Variants in FER1L5 observed in about 807,000 individuals in gnomAD.
The protein encoded by FER1L5 is fer-1 like family member 5.
Under a neutral mutation model 279.9 loss-of-function variants are expected in FER1L5, and 187 were observed. That is an observed-to-expected ratio of 0.67 (90% CI 0.59 to 0.75). The LOEUF is 0.75. Ranked by LOEUF, FER1L5 falls within the 30% of genes least tolerant of loss-of-function variation. The probability of loss-of-function intolerance (pLI) is 0.00; values close to 1 mark genes in which losing one functional copy is unlikely to be tolerated. For missense variants in FER1L5, 2,091 were observed against 2,594.4 expected, an observed-to-expected ratio of 0.81 and a Z score of 4.21; for synonymous variants, 921 against 989.7, an observed-to-expected ratio of 0.93 and a Z score of 1.30.
chr2:96,679,192 T>TA (rs1199974276), intron 19 of FER1L5, among the ~76,000 whole-genome samples: 3 of 151,584 alleles, frequency 2.0e-5, no homozygotes, highest in African/African-American at 7.3e-5. Context: ...AGAAATTTTT[T>TA]AAAAAATTAG....
rs777643267 is a variant in FER1L5 at position 96,670,255 on chromosome 2, C to G, written c.1491+8C>G. ...GAAGTGACCAGGATAGAGGTAACTG[C>G]GGGAAACAGGTAACCCAGGGAAAAA... On this transcript the variant is annotated splice_region_variant and intron_variant, in intron 18 of 52. Coordinates refer to ENST00000624922, the MANE Select transcript of FER1L5 (RefSeq NM_001293083.2). 1.9e-6 allele frequency: 3 copies of G among 1,550,902 alleles called. No homozygotes were observed. The highest frequency in any genetic ancestry group is 2.7e-5 in the African/African-American group (2 of 73,104).
chr2:96,650,910 C>T (rs1205366935), intron 6 of FER1L5, among the ~76,000 whole-genome samples: 3 of 152,244 alleles, frequency 2.0e-5, no homozygotes, highest in African/African-American at 7.2e-5. Context: ...TCCCCCTCGC[C>T]ACTTCTGTTC....
intron 19 of FER1L5, among the ~76,000 whole-genome samples, chr2:96,677,382 C>T (rs2076547536): frequency 6.6e-6 from 1 of 152,152 alleles, no homozygotes; most frequent in Non-Finnish European, 1.5e-5. Flanking sequence ...TGAAATTATA[C>T]AATATGTCAT....
intron 31 of FER1L5, 70 bp downstream of exon 31, chr2:96,692,251 G>A (rs1558915038): frequency 2.6e-6 from 4 of 1,510,588 alleles, no homozygotes; most frequent in Admixed American, 2.0e-5. Flanking sequence ...TTGTGTTCCT[G>A]CAGCAGCCAA....
intron 19 of FER1L5, among the ~76,000 whole-genome samples, chr2:96,678,789 T>G (rs2076606744): frequency 6.6e-6 from 1 of 152,222 alleles, no homozygotes; most frequent in Non-Finnish European, 1.5e-5. Flanking sequence ...ATATGTCTAT[T>G]CAAATGTGTT....
At chr2:96,647,949 G>C in intron 4 of FER1L5, 63 bp downstream of exon 4, 1 of 1,301,624 alleles carries the variant, frequency 7.7e-7, no homozygotes, top group Non-Finnish European at 1.1e-6. Flanking sequence ...CTGGTGAAGC[G>C]GCCCACACCA....
intron 23 of FER1L5, among the ~76,000 whole-genome samples, chr2:96,687,257 G>A (rs867990467): frequency 6.6e-6 from 1 of 152,144 alleles, no homozygotes; most frequent in African/African-American, 2.4e-5. Context: ...GGACACTCTG[G>A]GCTTTCCTGG....
chr2:96,687,211 G>A (rs977363854), intron 23 of FER1L5, among the ~76,000 whole-genome samples: 1 of 152,186 alleles, frequency 6.6e-6, no homozygotes, highest in African/African-American at 2.4e-5. Flanking sequence ...CCCTGTTCCT[G>A]CATCCATTCT....
intron 19 of FER1L5, among the ~76,000 whole-genome samples, chr2:96,674,863 G>C (rs1461956304): frequency 6.6e-6 from 1 of 151,948 alleles, no homozygotes; most frequent in African/African-American, 2.4e-5. Context: ...TCACCACCCA[G>C]CTTAAAATAT....
chr2:96,689,153 C>T lies in FER1L5; in HGVS notation c.2362-60C>T. The T allele has an allele frequency of 1.3e-6, 2 of 1,509,794 alleles. No homozygotes were observed. The highest frequency in any genetic ancestry group is 1.3e-5 in the South Asian group (1 of 77,250). The allele number at this position is 1,509,794 out of a possible 1,614,324, so 93.5% of individuals were successfully genotyped here. A position where few individuals can be genotyped will look rare whatever the true frequency, so the allele number is the denominator to read the frequency against. ...CAGAGTCAGGGGGCCCAGGGGAGGC[C>T]CATGTCCCCGCACTTTGTGCTAGAG... On this transcript the variant is annotated intron_variant, in intron 24 of 52. Transcript: ENST00000624922. This position sits in a 1 kb window ranked among gnomAD's most constrained non-coding sequence, Gnocchi z 4.6.
At chr2:96,666,401 A>G (rs1355559768) in intron 14 of FER1L5, among the ~76,000 whole-genome samples, 1 of 151,740 alleles carries the variant, frequency 6.6e-6, no homozygotes. Context: ...TAACCTGGGC[A>G]ATTTCCTCCT....
intron 34 of FER1L5, chr2:96,695,286 T>C (rs1294025839): frequency 3.6e-6 from 2 of 562,974 alleles, no homozygotes; most frequent in East Asian, 3.3e-5. Flanking sequence ...CCCTCATGGG[T>C]TGGGGGACAG....
At chr2:96,677,403 T>C (rs2076547855) in intron 19 of FER1L5, among the ~76,000 whole-genome samples, 1 of 152,232 alleles carries the variant, frequency 6.6e-6, no homozygotes, top group Non-Finnish European at 1.5e-5. Flanking sequence ...CTTTTGCATC[T>C]GGCTTCCTTC....
At chr2:96,703,472 C>A (rs1315676160) in intron 50 of FER1L5, 51 bp from the exon 51 acceptor site, 1 of 1,610,910 alleles carries the variant, frequency 6.2e-7, no homozygotes, top group African/African-American at 1.3e-5. Flanking sequence ...CTAAAACTAC[C>A]CGGCTCCTGC....
chr2:96,694,258 T>TG lies in FER1L5; in HGVS notation c.3637-98dup. On this transcript the variant is annotated intron_variant, in intron 33 of 52. Coordinates refer to ENST00000624922, the MANE Select transcript of FER1L5 (RefSeq NM_001293083.2). This position sits in a 1 kb window ranked among gnomAD's most constrained non-coding sequence, Gnocchi z 4.6. Reference sequence around the variant, plus strand: ...AAGTCCCCCTGCCAGCCCCTACCCATGGGGCTCTGGGCTCGGTGAGGCCTC... The same window carrying TG: ...AAGTCCCCCTGCCAGCCCCTACCCATGGGGGCTCTGGGCTCGGTGAGGCCTC... 7.6e-7 allele frequency: 1 copy of TG among 1,310,898 alleles called. No individual in the cohort carries two copies. The highest frequency in any genetic ancestry group is 2.5e-5 in the East Asian group (1 of 39,216). The allele number at this position is 1,310,898 out of a possible 1,614,324, so 81.2% of individuals were successfully genotyped here.
In FER1L5 at chr2:96,703,547, A is replaced by G. The variant is rs754010276; in HGVS notation, c.5716A>G (p.Ile1906Val). Reference protein sequence around the residue: ...LSGKVKMSLEILSEKEALIKP... With the variant: ...LSGKVKMSLEVLSEKEALIKP... ...GGGCAAGGTGAAGATGAGCCTGGAG[A>G]TTCTGTCAGAGAAGGAAGCCTTAAT... Residue 1906 changes from isoleucine (I) to valine (V), a missense_variant, in exon 51 of 53, where the codon ATT becomes GTT. Physicochemically the swap from Ile to Val is conservative, Grantham distance 29 (BLOSUM62 3). Transcript: ENST00000624922. The G allele has an allele frequency of 6.2e-7, 1 of 1,613,920 alleles. No individual in the cohort carries two copies.
chr2:96,648,887 G>C (rs2075248837), intron 4 of FER1L5, among the ~76,000 whole-genome samples: 1 of 152,244 alleles, frequency 6.6e-6, no homozygotes, highest in South Asian at 2.1e-4. Context: ...CCATCATAAA[G>C]TCAAGGCACA....
rs1036289655 is a variant in FER1L5 at position 96,702,570 on chromosome 2, G to A, written c.5256-30G>A. The A allele has an allele frequency of 5.8e-6, 9 of 1,556,074 alleles. No homozygotes were observed. Among genetic ancestry groups the A allele is most frequent in the Admixed American group, 2.0e-5 (1 of 51,232 alleles). Reference sequence around the variant, plus strand: ...GCTGGGGGATGGGGCCAATGCACATGAGCCACAGGTGATAGGACTCTGGCC... The same window carrying A: ...GCTGGGGGATGGGGCCAATGCACATAAGCCACAGGTGATAGGACTCTGGCC... On this transcript the variant is annotated intron_variant, in intron 47 of 52. Coordinates refer to ENST00000624922, the MANE Select transcript of FER1L5 (RefSeq NM_001293083.2). The surrounding 1 kb of genome is among the most constrained non-coding windows in gnomAD (Gnocchi z 4.0).
At position 96,689,784 on chromosome 2, in the gene FER1L5, G is replaced by A. The variant is rs1245874681; in HGVS notation, c.2640+26G>A. Reference sequence around the variant, plus strand: ...GTGAGCAGGGCCGAAGCTGCCTCGGGTTAGGGGGCAAGCAAGGCCACCAGG... The same window carrying A: ...GTGAGCAGGGCCGAAGCTGCCTCGGATTAGGGGGCAAGCAAGGCCACCAGG... On this transcript the variant is annotated intron_variant, in intron 26 of 52. Transcript: ENST00000624922. The surrounding 1 kb of genome is among the most constrained non-coding windows in gnomAD (Gnocchi z 4.6). 1.3e-6 allele frequency: 2 copies of A among 1,519,162 alleles called. No homozygotes were observed. Among genetic ancestry groups the A allele is most frequent in the Admixed American group, 4.3e-5 (2 of 46,370 alleles). 94.1% of individuals were successfully genotyped at this position (1,519,162 alleles called of 1,614,324 possible).
Sources: allele counts gnomAD v4.1 joint callset (sites outside exome capture counted in the v4.1 genomes callset), GRCh38; gene constraint gnomAD v4.1.1; non-coding constraint Gnocchi (gnomAD v3.1); transcripts MANE v1.5; gene names NCBI Gene and HGNC (gene_info 2026-07-23, HGNC 2026-07-21).